The following EML4 variants were observed in gnomAD, a reference collection of about 807,000 sequenced individuals.
EML4 encodes the protein EMAP like 4.
Under a neutral mutation model 129.0 loss-of-function variants are expected in EML4, and 72 were observed. The observed-to-expected ratio is 0.56, with a 90% CI of 0.46 to 0.68. The LOEUF (loss-of-function observed/expected upper bound fraction) is 0.68. Among genes scored for constraint, EML4 ranks in the 30% least tolerant of loss-of-function variants. The pLI, the probability that EML4 is intolerant of heterozygous loss-of-function variation, is 0.00. For synonymous variants in EML4, 532 were observed against 405.0 expected, an observed-to-expected ratio of 1.31 and a Z score of -3.77; for missense variants, 1,363 against 1,190.6, an observed-to-expected ratio of 1.14 and a Z score of -2.13.
At chr2:42,251,014 C>A (rs910175346) in intron 2 of EML4, among the ~76,000 whole-genome samples, 2 of 152,130 alleles carry the variant, frequency 1.3e-5, no homozygotes, top group African/African-American at 4.8e-5. Flanking sequence ...GAATCTAATA[C>A]CGCCACTGAT....
intron 2 of EML4, among the ~76,000 whole-genome samples, 183 bp from the exon 3 acceptor site, chr2:42,256,318 T>C (rs1257953332): frequency 1.3e-5 from 2 of 152,188 alleles, no homozygotes; most frequent in Non-Finnish European, 2.9e-5. Flanking sequence ...TCGATGGGAT[T>C]AAGTCTTGAG....
intron 10 of EML4, among the ~76,000 whole-genome samples, chr2:42,287,150 C>T (rs1667351416): frequency 6.6e-6 from 1 of 152,046 alleles, no homozygotes; most frequent in Non-Finnish European, 1.5e-5. Flanking sequence ...CAACTGTATT[C>T]TGGATTATGG....
At chr2:42,182,869 C>T (rs1340756427) in intron 1 of EML4, among the ~76,000 whole-genome samples, 1 of 152,078 alleles carries the variant, frequency 6.6e-6, no homozygotes, top group Non-Finnish European at 1.5e-5. Flanking sequence ...TCTTCTGTGT[C>T]CTCATGTGGC....
At position 42,210,293 on chromosome 2, in the gene EML4, G is replaced by C. The variant is rs141238943; in HGVS notation, c.26-35212G>C. Among the ~76,000 whole-genome samples, 265 of 152,226 alleles carry C rather than the reference G, an allele frequency of 1.7e-3. 1 individual carries two copies. The highest frequency in any genetic ancestry group is 6.0e-3 in the African/African-American group (250 of 41,540). On this transcript the variant is annotated intron_variant, in intron 1 of 22. Coordinates refer to ENST00000318522, the MANE Select transcript of EML4 (RefSeq NM_019063.5). ...AGAGCAGTACTGGTATATTGTAGCA[G>C]CTTTGGTGTATCAGATATATTGTAG...
intron 1 of EML4, among the ~76,000 whole-genome samples, chr2:42,180,224 G>A (rs1670852247): frequency 6.6e-6 from 1 of 152,164 alleles, no homozygotes; most frequent in East Asian, 1.9e-4. Context: ...GCGGCTCCAA[G>A]AATATGTTCC....
chr2:42,276,307 C>T (rs1349032505), intron 6 of EML4, among the ~76,000 whole-genome samples: 2 of 152,004 alleles, frequency 1.3e-5, no homozygotes, highest in Non-Finnish European at 2.9e-5. Context: ...ATAAGAAGAC[C>T]TAGTACCACT....
chr2:42,256,363 T>C, intron 2 of EML4, 138 bp from the exon 3 acceptor site: 1 of 747,816 alleles, frequency 1.3e-6, no homozygotes, highest in Non-Finnish European at 2.1e-6. Context: ...GGGGGCATTC[T>C]GCTCAAGAGT....
Position 42,296,913 on chromosome 2 carries a change from C to G in EML4, c.1489+1397C>G, listed in dbSNP as rs562293228. Among the ~76,000 whole-genome samples, 4 of 152,250 alleles carry G rather than the reference C, an allele frequency of 2.6e-5. No homozygotes were observed. In the South Asian group the frequency reaches 6.2e-4, roughly 24 times the overall value. ...TAATGTCAAAAAATAATAAATTGAA[C>G]CAACATAAGTTAGGCACTATCTGTA... On this transcript the variant is annotated intron_variant, in intron 13 of 22. Coordinates refer to ENST00000318522, the MANE Select transcript of EML4 (RefSeq NM_019063.5).
intron 1 of EML4, among the ~76,000 whole-genome samples, chr2:42,198,037 AGTG>A: frequency 6.6e-6 from 1 of 152,296 alleles, no homozygotes; most frequent in Non-Finnish European, 1.5e-5. Context: ...CCATTTGTAA[AGTG>A]GTACTAATAC....
chr2:42,310,244 G>C (rs1020535417), intron 17 of EML4, among the ~76,000 whole-genome samples: 2 of 152,088 alleles, frequency 1.3e-5, no homozygotes, highest in South Asian at 4.1e-4. Flanking sequence ...ATGGGATTCT[G>C]TAAGGCCTAA....
Position 42,330,358 on chromosome 2 carries a change from C to T in EML4, c.*151C>T, listed in dbSNP as rs563619888. On this transcript the variant is annotated 3_prime_UTR_variant, in exon 23 of 23. Transcript: ENST00000318522. ...TTTCTTCAATAGTCTTATTTTCAGT[C>T]TCTCAAATACAGCCAACTTAAAGTT... The T allele has an allele frequency of 2.7e-6, 2 of 743,758 alleles. No individual in the cohort carries two copies. Among genetic ancestry groups the T allele is most frequent in the Admixed American group, 2.0e-5 (1 of 49,460 alleles). The allele number at this position is 743,758 out of a possible 1,614,324, so 46.1% of individuals were successfully genotyped here.
intron 1 of EML4, among the ~76,000 whole-genome samples, chr2:42,235,031 C>T (rs1413810605): frequency 3.9e-5 from 6 of 152,038 alleles, no homozygotes; most frequent in East Asian, 3.9e-4. Flanking sequence ...CATGGTGGCT[C>T]ATGCCTGTAA....
chr2:42,235,372 A>G (rs1674602197), intron 1 of EML4, among the ~76,000 whole-genome samples: 1 of 113,462 alleles, frequency 8.8e-6, no homozygotes, highest in South Asian at 2.4e-4. Flanking sequence ...AGGCGCGAGA[A>G]TTACTTGAGC....
At chr2:42,219,311 G>A (rs1359597337) in intron 1 of EML4, among the ~76,000 whole-genome samples, 1 of 152,136 alleles carries the variant, frequency 6.6e-6, no homozygotes, top group East Asian at 1.9e-4. Context: ...CCAAACCTGT[G>A]TATACAGAGG....
At chr2:42,212,136 G>T (rs528875507) in intron 1 of EML4, among the ~76,000 whole-genome samples, 1 of 152,108 alleles carries the variant, frequency 6.6e-6, no homozygotes, top group Non-Finnish European at 1.5e-5. Context: ...GTGAGCTACC[G>T]TGCCTGATCC....
At chr2:42,277,742 T>C (rs1478064571) in intron 6 of EML4, among the ~76,000 whole-genome samples, 1 of 152,136 alleles carries the variant, frequency 6.6e-6, no homozygotes, top group Admixed American at 6.5e-5. Context: ...CTAAATTTTG[T>C]ATTTTTAGTA....
chr2:42,205,065 T>A (rs1484334272), intron 1 of EML4, among the ~76,000 whole-genome samples: 1 of 152,234 alleles, frequency 6.6e-6, no homozygotes, highest in Non-Finnish European at 1.5e-5. Flanking sequence ...GAGGTCTTTT[T>A]GTATATTAGG....
chr2:42,329,085 A>C (rs996052039), intron 22 of EML4, 69 bp downstream of exon 22: 6 of 1,490,180 alleles, frequency 4.0e-6, no homozygotes, highest in Non-Finnish European at 5.5e-6. Context: ...CATCCATAGC[A>C]AGAAAATATA....
At chr2:42,221,726 C>T (rs538960072) in intron 1 of EML4, among the ~76,000 whole-genome samples, 1 of 152,076 alleles carries the variant, frequency 6.6e-6, no homozygotes, top group South Asian at 2.1e-4. Context: ...GCCTCAGCCT[C>T]CTCGGTAGCT....
Sources: gnomAD v4.1 joint callset for allele counts (sites outside exome capture counted in the v4.1 genomes callset) on GRCh38, gnomAD v4.1.1 for gene constraint, MANE v1.5 for transcripts, NCBI Gene and HGNC (gene_info 2026-07-23, HGNC 2026-07-21) for gene names.